Variants in LMF2 observed in about 807,000 individuals in gnomAD.
The protein encoded by LMF2 is lipase maturation factor 2.
Under a neutral mutation model 81.5 loss-of-function variants are expected in LMF2, and 113 were observed. The observed-to-expected ratio is 1.39, with a 90% CI of 1.19 to 1.62. The LOEUF (loss-of-function observed/expected upper bound fraction) is 1.62. Ranked by LOEUF, LMF2 falls within the 40% of genes most tolerant of loss-of-function variation. LMF2 has a pLI of 0.00. For missense variants in LMF2, 1,235 were observed against 929.1 expected (o/e 1.33, Z -4.28); for synonymous variants, 645 against 424.5 (o/e 1.52, Z -6.39).
Position 50,503,820 on chromosome 22 carries a change from C to T in LMF2, c.1803G>A (p.Gln601=), listed in dbSNP as rs758204765. Residue 601 remains glutamine (Q), a synonymous_variant, in exon 13 of 14, where the codon CAG becomes CAA. Coordinates refer to ENST00000474879, the MANE Select transcript of LMF2 (RefSeq NM_033200.3). ...GDPTLETLLR[Q]FGLQEKSPPR... ...GACACCCCCTTACCTGTAGTCCAAA[C>T]TGCCTGAGCAGCGTCTCCAGCGTGG... 12 of 1,605,658 alleles carry T rather than the reference C, an allele frequency of 7.5e-6. No homozygotes were observed. The highest frequency in any genetic ancestry group is 5.5e-5 in the South Asian group (5 of 91,080).
chr22:50,507,461 A>AC (rs1349377876), intron 1 of LMF2, 121 bp downstream of exon 1: 1 of 790,088 alleles, frequency 1.3e-6, no homozygotes, highest in Non-Finnish European at 2.2e-6. Flanking sequence ...GCCGCCCCCT[A>AC]CCCCACGCCA....
chr22:50,507,350 TCA>T (rs1473800141), intron 1 of LMF2: 3 of 603,952 alleles, frequency 5.0e-6, no homozygotes, highest in Middle Eastern at 4.4e-4. Context: ...CCCACCTCTC[TCA>T]GAGTTCTGTC....
chr22:50,505,775 T>G lies in LMF2; in HGVS notation c.815A>C (p.Asn272Thr), dbSNP rs138590459. Reference protein sequence around the residue: ...QVLIIITGNYNFFNLMTLVLT... With the variant: ...QVLIIITGNYTFFNLMTLVLT... ...CACCAGCGTCATCAGGTTGAAGAAG[T>G]TGTAGTTGCCGGTGATGATAATCAG... Residue 272 changes from asparagine to threonine, a missense_variant, in exon 6 of 14, where the codon AAC becomes ACC. Coordinates refer to ENST00000474879, the MANE Select transcript of LMF2 (RefSeq NM_033200.3). 1.9e-6 allele frequency: 3 copies of G among 1,613,030 alleles called. No individual in the cohort carries two copies. The highest frequency in any genetic ancestry group is 1.6e-4 in the Middle Eastern group (1 of 6,084).
chr22:50,505,441 T>G lies in LMF2; in HGVS notation c.1013A>C (p.Glu338Ala). The change falls in exon 7 of 14, where the codon GAG becomes GCG. Residue 338 changes from glutamate (E) to alanine (A), a missense_variant. Glu to Ala is a moderately radical substitution (Grantham distance 107, BLOSUM62 -1). Transcript: ENST00000474879. ...AYGTVHYFGL[E>A]VDWQQRTIHS... ...GATGGTGCGCTGCTGCCAGTCAACC[T>G]CCAGGCCAAAGTAGTGCACAGTGCC... 6.2e-7 allele frequency: 1 copy of G among 1,613,064 alleles called. No homozygotes were observed. Among genetic ancestry groups the G allele is most frequent in the Non-Finnish European group, 8.5e-7 (1 of 1,180,020 alleles).
intron 5 of LMF2, 62 bp from the exon 6 acceptor site, chr22:50,505,877 A>T: frequency 6.3e-7 from 1 of 1,599,676 alleles, no homozygotes; most frequent in Non-Finnish European, 8.5e-7. Context: ...GCAGGCACCC[A>T]CCTCCACCCT....
In LMF2 at chr22:50,506,453, G is replaced by T; in HGVS notation, c.427C>A (p.Leu143Met). The stretch of plus-strand genomic sequence containing the variant: ...TCCTTGCGGTGGGAGGCTGGCCTCA[G>T]CGGGGCCACCAGCACGGCCAGGAAG... ...TGFLAVLVAP[L>M]RPASHRKEAP... The change falls in exon 4 of 14, where the codon CTG (leucine) becomes ATG (methionine). Residue 143 changes from leucine (L) to methionine (M), a missense_variant. By Grantham distance (15) the Leu-to-Met change is conservative. Coordinates refer to ENST00000474879, the MANE Select transcript of LMF2 (RefSeq NM_033200.3). 1 of 1,551,178 alleles carries T rather than the reference G, an allele frequency of 6.4e-7. No individual in the cohort carries two copies. The highest frequency in any genetic ancestry group is 1.2e-5 in the South Asian group (1 of 84,556).
In LMF2 at chr22:50,503,561, C is replaced by T. The variant is rs1271350632; in HGVS notation, c.1954G>A (p.Val652Met). 2 of 1,542,824 alleles carry T rather than the reference C, an allele frequency of 1.3e-6. No individual in the cohort carries two copies. The highest frequency in any genetic ancestry group is 1.2e-5 in the South Asian group (1 of 81,788). Reference protein sequence around the residue: ...LLMAVGAVRFVQALLAPCSLR... With the variant: ...LLMAVGAVRFMQALLAPCSLR... ...GAACAGGGTGCTAGCAGGGCTTGCA[C>T]AAATCTGACAGCCCCCACGGCCATG... Residue 652 changes from valine (V) to methionine (M), a missense_variant, in exon 14 of 14, where the codon GTG becomes ATG. By Grantham distance (21) the Val-to-Met change is conservative. Transcript: ENST00000474879.
rs1487217409 is a variant in LMF2 at position 50,506,220 on chromosome 22, G to A, written c.596-7C>T. On this transcript the variant is annotated splice_region_variant and splice_polypyrimidine_tract_variant and intron_variant, in intron 4 of 13. Coordinates refer to ENST00000474879, the MANE Select transcript of LMF2 (RefSeq NM_033200.3). ...TCGTAGTGGTAGGTGAGGGCTGCAG[G>A]CGAGGGCAGGAGTCAGGGCTGGCCG... is the stretch of plus-strand genomic sequence containing the variant. 1.9e-6 allele frequency: 3 copies of A among 1,552,390 alleles called. No individual in the cohort carries two copies. Among genetic ancestry groups the A allele is most frequent in the African/African-American group, 2.7e-5 (2 of 73,372 alleles).
chr22:50,505,209 C>T lies in LMF2; in HGVS notation c.1157+20G>A. Reference sequence around the variant, plus strand: ...GGCCCTGCACACCTGTGCCCCCTCCCTGCTTCCTGGGCCATGTACCTCCAC... The same window carrying T: ...GGCCCTGCACACCTGTGCCCCCTCCTTGCTTCCTGGGCCATGTACCTCCAC... On this transcript the variant is annotated intron_variant, in intron 8 of 13. Transcript: ENST00000474879. 6.2e-7 allele frequency: 1 copy of T among 1,612,992 alleles called. No individual in the cohort carries two copies.
intron 1 of LMF2, chr22:50,507,278 C>T (rs903515414): frequency 6.3e-6 from 4 of 638,270 alleles, no homozygotes; most frequent in South Asian, 5.9e-5. Flanking sequence ...AGCCCACTGC[C>T]CTCTTCCAGG....
chr22:50,505,660 C>G lies in LMF2; in HGVS notation c.916+14G>C. 1 of 1,612,600 alleles carries G rather than the reference C, an allele frequency of 6.2e-7. No individual in the cohort carries two copies. Among genetic ancestry groups the G allele is most frequent in the Non-Finnish European group, 8.5e-7 (1 of 1,179,758 alleles). On this transcript the variant is annotated intron_variant, in intron 6 of 13. Coordinates refer to ENST00000474879, the MANE Select transcript of LMF2 (RefSeq NM_033200.3). ...ACCCCTGGGAGGGCAGGGGGCTGGACAAGTGACACGCACAGGTGGCCGTCT... is the reference window on the plus strand; with the variant it reads ...ACCCCTGGGAGGGCAGGGGGCTGGAGAAGTGACACGCACAGGTGGCCGTCT...
At position 50,506,937 on chromosome 22, in the gene LMF2, A is replaced by ACAG; in HGVS notation, c.190_192dup (p.Leu64dup). On this transcript the variant is annotated inframe_insertion, in exon 2 of 14. Transcript: ENST00000474879. ...TCCAGCCCCAGTCTCGGCGCTTCCC[A>ACAG]CAGCAGCGTCGGGGTCTCCCACAGC... 6.3e-7 allele frequency: 1 copy of ACAG among 1,580,268 alleles called. No homozygotes were observed. The highest frequency in any genetic ancestry group is 1.1e-5 in the South Asian group (1 of 87,890).
chr22:50,504,806 C>T lies in LMF2; in HGVS notation c.1433G>A (p.Trp478Ter). The change falls in exon 10 of 14, where the codon TGG (tryptophan) becomes TAG (stop). Residue 478 changes from tryptophan (W) to a stop codon, truncating the protein, a stop_gained. Coordinates refer to ENST00000474879, the MANE Select transcript of LMF2 (RefSeq NM_033200.3). LOFTEE classifies it high-confidence loss of function. ...VLEGSYDGHH[W>*]TEIEFMYKPG... ...GCCCGCCCTGGGAGGGCTCACCGTC[C>T]AGTGGTGGCCGTCGTAACTGCCCTC... 6.2e-7 allele frequency: 1 copy of T among 1,606,152 alleles called. No individual in the cohort carries two copies. Among genetic ancestry groups the T allele is most frequent in the Non-Finnish European group, 8.5e-7 (1 of 1,175,476 alleles).
At chr22:50,504,495 G>GGCCCCCCCCCCCCCCCCCCCCCCCCCCCC in intron 11 of LMF2, 44 bp from the exon 12 acceptor site, 1 of 1,339,592 alleles carries the variant, frequency 7.5e-7, no homozygotes, top group Non-Finnish European at 1.0e-6. Flanking sequence ...TACCCGCCCT[G>GGCCCCCCCCCCCCCCCCCCCCCCCCCCCC]CCCCTCCCCT....
rs770275711 is a variant in LMF2, at chr22:50,506,783, T to C, written c.347A>G (p.Gln116Arg). Residue 116 changes from glutamine to arginine, a missense_variant and splice_region_variant, in exon 2 of 14, where the codon CAG (glutamine) becomes CGG (arginine). Coordinates refer to ENST00000474879, the MANE Select transcript of LMF2 (RefSeq NM_033200.3). ...GAGCTGGTCACAGGTCCCACTTGCC[T>C]GGCAGGCTGACAGGTAGGCGGCCCA... ...LLWAAYLSAC[Q>R]VGQVFLYFQW... 1.1e-5 allele frequency: 17 copies of C among 1,612,766 alleles called. No homozygotes were observed. In the East Asian group the frequency reaches 3.3e-4, roughly 32 times the overall value.
At chr22:50,505,581 A>G (rs1298489476) in intron 6 of LMF2, 44 bp from the exon 7 acceptor site, 2 of 1,610,956 alleles carry the variant, frequency 1.2e-6, no homozygotes, top group African/African-American at 1.3e-5. Flanking sequence ...GTCCCCAGCC[A>G]GGGGGCTGGG....
At position 50,505,985 on chromosome 22, in the gene LMF2, G is replaced by A. The variant is rs757330639; in HGVS notation, c.774+50C>T. ...CCAACAGGGCACGCTGAGCAGCGCT[G>A]AAGGCCGAGCCCTGTCTGCCTCTCT... On this transcript the variant is annotated intron_variant, in intron 5 of 13. Coordinates refer to ENST00000474879, the MANE Select transcript of LMF2 (RefSeq NM_033200.3). 14 of 1,562,628 alleles carry A rather than the reference G, an allele frequency of 9.0e-6. No homozygotes were observed. In the East Asian group the frequency reaches 2.8e-4, roughly 31 times the overall value.
rs1360355501 is a variant in LMF2 at position 50,506,981 on chromosome 22, C to T, written c.149G>A (p.Gly50Asp). 6.3e-7 allele frequency: 1 copy of T among 1,593,070 alleles called. No individual in the cohort carries two copies. Among genetic ancestry groups the T allele is most frequent in the South Asian group, 1.1e-5 (1 of 89,640 alleles). The change falls in exon 2 of 14, where the codon GGC becomes GAC. Residue 50 changes from glycine (G) to aspartate (D), a missense_variant. Physicochemically the swap from Gly to Asp is moderately conservative, Grantham distance 94. Coordinates refer to ENST00000474879, the MANE Select transcript of LMF2 (RefSeq NM_033200.3). ...LPARRTLRPQ[G>D]KGRWQQLWET... ...CCACAGCTGCTGCCAGCGCCCCTTG[C>T]CCTGAGGCCGCAGCGTCCTCCTTGC...
rs770172553 is a variant in LMF2 at position 50,504,554 on chromosome 22, C to T, written c.1606+5G>A. The T allele has an allele frequency of 1.1e-5, 17 of 1,581,780 alleles. No individual in the cohort carries two copies. Among genetic ancestry groups the T allele is most frequent in the South Asian group, 4.5e-5 (4 of 88,742 alleles). ...CACTCCACACCCCCCAAGCCCGCTCCGCACCTGGCTCCTTGCCCTGCAGCA... is the reference window on the plus strand; with the variant it reads ...CACTCCACACCCCCCAAGCCCGCTCTGCACCTGGCTCCTTGCCCTGCAGCA... On this transcript the variant is annotated splice_donor_5th_base_variant and intron_variant, in intron 11 of 13. Transcript: ENST00000474879.
Sources: gnomAD v4.1 joint callset for allele counts on GRCh38, gnomAD v4.1.1 for gene constraint, MANE v1.5 for transcripts, NCBI Gene and HGNC (gene_info 2026-07-23, HGNC 2026-07-21) for gene names.